Variants in FARS2 observed in about 807,000 individuals in gnomAD.
FARS2 encodes phenylalanyl-tRNA synthetase 2, mitochondrial.
A neutral mutation model predicts 46.4 loss-of-function variants in FARS2; 40 were observed. The ratio of observed to expected loss-of-function variants is 0.86; its 90% confidence interval spans 0.67 to 1.12. FARS2 has a LOEUF of 1.12. FARS2 is among the 50% of genes most tolerant of loss of function. FARS2 has a pLI of 0.00. For synonymous variants in FARS2, 234 were observed against 214.9 expected (o/e 1.09, Z -0.78); for missense variants, 513 against 567.9 (o/e 0.90, Z 0.98).
intron 6 of FARS2, among the ~76,000 whole-genome samples, chr6:5,737,360 G>A (rs1176222188): frequency 3.3e-5 from 5 of 152,140 alleles, no homozygotes; most frequent in African/African-American, 9.7e-5. Flanking sequence ...GTGAAACCCC[G>A]TCTCCACTAA....
chr6:5,282,831 G>T (rs1038312811), intron 1 of FARS2, among the ~76,000 whole-genome samples: 6 of 152,196 alleles, frequency 3.9e-5, no homozygotes, highest in African/African-American at 1.2e-4. Context: ...ATTGTGATGA[G>T]GGTGGAAAGG....
intron 2 of FARS2, among the ~76,000 whole-genome samples, chr6:5,398,744 T>G (rs1369555284): frequency 6.6e-6 from 1 of 152,182 alleles, no homozygotes; most frequent in Non-Finnish European, 1.5e-5. Flanking sequence ...TTCATATGAG[T>G]ACCTCCAATC....
chr6:5,428,120 T>A (rs1471931102), intron 3 of FARS2, among the ~76,000 whole-genome samples: 1 of 152,218 alleles, frequency 6.6e-6, no homozygotes, highest in African/African-American at 2.4e-5. Context: ...AGACATTTAG[T>A]TAGGGTTTAA....
intron 2 of FARS2, among the ~76,000 whole-genome samples, chr6:5,384,732 T>C (rs902943529): frequency 2.0e-5 from 3 of 152,300 alleles, no homozygotes; most frequent in Admixed American, 6.5e-5. Context: ...CCTGTCTGTT[T>C]GAAGCTTGAG....
At chr6:5,285,101 C>G (rs1280489211) in intron 1 of FARS2, among the ~76,000 whole-genome samples, 1 of 152,202 alleles carries the variant, frequency 6.6e-6, no homozygotes, top group Non-Finnish European at 1.5e-5. Context: ...GCAAAGGGGG[C>G]AGGCAACAAA....
chr6:5,577,809 T>A (rs1292913050), intron 5 of FARS2, among the ~76,000 whole-genome samples: 4 of 152,060 alleles, frequency 2.6e-5, no homozygotes, highest in Admixed American at 2.6e-4. Context: ...TCATTTTTAT[T>A]TATTTTTTGA....
At chr6:5,706,599 G>A (rs546425472) in intron 6 of FARS2, among the ~76,000 whole-genome samples, 1 of 152,132 alleles carries the variant, frequency 6.6e-6, no homozygotes, top group Non-Finnish European at 1.5e-5. Flanking sequence ...TGGCTACATC[G>A]ACTGTTGGGT....
intron 2 of FARS2, among the ~76,000 whole-genome samples, chr6:5,386,765 G>A (rs1256690605): frequency 6.6e-6 from 1 of 152,224 alleles, no homozygotes; most frequent in Non-Finnish European, 1.5e-5. Flanking sequence ...TTTTGGGGTA[G>A]GGACAGGAGA....
rs1024384543 is a variant in FARS2, at chr6:5,371,122, T to C, written c.612+1940T>C. Reference sequence around the variant, plus strand: ...TTCTGCTTTTTTTCATGACACTCCTTTCTACGTGGGACCTGCTTATGACCC... The same window carrying C: ...TTCTGCTTTTTTTCATGACACTCCTCTCTACGTGGGACCTGCTTATGACCC... On this transcript the variant is annotated intron_variant, in intron 2 of 6. Transcript: ENST00000274680. 1.1e-5 allele frequency: 10 copies of C among 883,334 alleles called. No homozygotes were observed. In the East Asian group the frequency reaches 8.4e-4, roughly 74 times the overall value. The allele number at this position is 883,334 out of a possible 1,614,324, so 54.7% of individuals were successfully genotyped here. A position where few individuals can be genotyped will look rare whatever the true frequency, so the allele number is the denominator to read the frequency against.
At chr6:5,606,978 C>A (rs1352324443) in intron 5 of FARS2, among the ~76,000 whole-genome samples, 1 of 152,134 alleles carries the variant, frequency 6.6e-6, no homozygotes, top group African/African-American at 2.4e-5. Context: ...AGAGACTAAC[C>A]ATCTTCCAGT....
intron 2 of FARS2, among the ~76,000 whole-genome samples, chr6:5,399,127 T>TATTTTTTTATTA (rs1202636806): frequency 4.8e-5 from 6 of 125,820 alleles, no homozygotes; most frequent in African/African-American, 1.9e-4. Flanking sequence ...TTTATATTAT[T>TATTTTTTTATTA]TTATTATTAT....
intron 4 of FARS2, chr6:5,466,739 G>A (rs1765538246): frequency 4.1e-6 from 4 of 980,102 alleles, no homozygotes; most frequent in African/African-American, 3.5e-5. Flanking sequence ...GCAAGGCTGT[G>A]TGTGGTGCCT....
At chr6:5,555,838 A>G (rs1771625602) in intron 5 of FARS2, among the ~76,000 whole-genome samples, 3 of 152,186 alleles carry the variant, frequency 2.0e-5, no homozygotes, top group Non-Finnish European at 4.4e-5. Flanking sequence ...GACCAATCAT[A>G]GAACCTTTTA....
intron 5 of FARS2, among the ~76,000 whole-genome samples, chr6:5,611,624 G>A (rs1775191643): frequency 6.6e-6 from 1 of 152,088 alleles, no homozygotes; most frequent in East Asian, 1.9e-4. Context: ...ATATTTTTTA[G>A]CTTGAAATAG....
At position 5,727,921 on chromosome 6, in the gene FARS2, C is replaced by G. The variant is rs1368097673; in HGVS notation, c.1218-43370C>G. ...TTGCCCGTGCAGCTGGGAGGGCCACCAGGTGAATGACGCTGTTAGAGGGGA... is the reference window on the plus strand; with the variant it reads ...TTGCCCGTGCAGCTGGGAGGGCCACGAGGTGAATGACGCTGTTAGAGGGGA... On this transcript the variant is annotated intron_variant, in intron 6 of 6. Transcript: ENST00000274680. The surrounding 1 kb of genome is among the most constrained non-coding windows in gnomAD (Gnocchi z 4.1). 6.6e-6 allele frequency among the ~76,000 whole-genome samples: 1 copy of G among 152,168 alleles called. No individual in the cohort carries two copies. The highest frequency in any genetic ancestry group is 1.9e-4 in the East Asian group (1 of 5,200).
chr6:5,524,575 C>T (rs1354331019), intron 4 of FARS2, among the ~76,000 whole-genome samples: 1 of 152,246 alleles, frequency 6.6e-6, no homozygotes, highest in Non-Finnish European at 1.5e-5. Context: ...GATGATAATA[C>T]TTACAAGTAC....
intron 3 of FARS2, among the ~76,000 whole-genome samples, chr6:5,409,177 G>C (rs568692396): frequency 4.6e-5 from 7 of 152,242 alleles, no homozygotes; most frequent in South Asian, 2.1e-4. Context: ...TGGGCCAGGC[G>C]CGGTGGCTCA....
At chr6:5,344,992 A>G (rs1019642376) in intron 1 of FARS2, among the ~76,000 whole-genome samples, 2 of 151,866 alleles carry the variant, frequency 1.3e-5, no homozygotes, top group African/African-American at 4.8e-5. Context: ...GGGTTTTACC[A>G]TGTTGGCCAG....
At chr6:5,285,708 A>G (rs1030682476) in intron 1 of FARS2, among the ~76,000 whole-genome samples, 3 of 152,178 alleles carry the variant, frequency 2.0e-5, no homozygotes, top group African/African-American at 4.8e-5. Flanking sequence ...TGAAATGTCA[A>G]TCAAACCATT....
Sources: allele counts gnomAD v4.1 joint callset (sites outside exome capture counted in the v4.1 genomes callset), GRCh38; gene constraint gnomAD v4.1.1; non-coding constraint Gnocchi (gnomAD v3.1); transcripts MANE v1.5; gene names NCBI Gene and HGNC (gene_info 2026-07-23, HGNC 2026-07-21).